Variants in RAVER1 observed in about 807,000 individuals in gnomAD.
RAVER1 encodes ribonucleoprotein PTB-binding 1.
Under a neutral mutation model 68.4 loss-of-function variants are expected in RAVER1, and 36 were observed. That is an observed-to-expected ratio of 0.53 (90% CI 0.40 to 0.70). RAVER1 has a LOEUF of 0.70. Ranked by LOEUF, RAVER1 falls within the 30% of genes least tolerant of loss-of-function variation. RAVER1 has a pLI of 0.00. For missense variants in RAVER1, 933 were observed against 1,019.8 expected, an observed-to-expected ratio of 0.91 and a Z score of 1.16; for synonymous variants, 469 against 472.7, an observed-to-expected ratio of 0.99 and a Z score of 0.10.
In RAVER1 at chr19:10,316,620, GGGTAGGAGGGGGT is replaced by G. The variant is rs2040390116; in HGVS notation, c.*821_*833del. ...AAAGCCCATCTCTGCACGGAGGCCC[GGGTAGGAGGGGGT>G]GGTGGGGCCGGTTCGCCAAGATGAA... On this transcript the variant is annotated 3_prime_UTR_variant, in exon 13 of 13. Transcript: ENST00000617231. 1 of 968,810 alleles carries G rather than the reference GGGTAGGAGGGGGT, an allele frequency of 1.0e-6. No individual in the cohort carries two copies. The highest frequency in any genetic ancestry group is 4.8e-5 in the South Asian group (1 of 20,998). The allele number at this position is 968,810 out of a possible 1,614,324, so 60.0% of individuals were successfully genotyped here. A position where few individuals can be genotyped will look rare whatever the true frequency, so the allele number is the denominator to read the frequency against.
In RAVER1 at chr19:10,321,243, C is replaced by T. The variant is rs1255572312; in HGVS notation, c.1278G>A (p.Pro426=). Residue 426 remains proline, a synonymous_variant, in exon 8 of 13, where the codon CCG becomes CCA. Coordinates refer to ENST00000617231, the MANE Select transcript of RAVER1 (RefSeq NM_133452.3). ...GELPAGGGLP[P]ELPPRRGKPP... is the part of the protein sequence containing the mutation. ...GCTTCCCTCGCCGGGGCGGCAGCTCCGGGGGCAGGCCCCCTCCTAGGGAGG... is the reference window on the plus strand; with the variant it reads ...GCTTCCCTCGCCGGGGCGGCAGCTCTGGGGGCAGGCCCCCTCCTAGGGAGG... 7.9e-6 allele frequency: 10 copies of T among 1,273,728 alleles called. No individual in the cohort carries two copies. The highest frequency in any genetic ancestry group is 7.7e-5 in the African/African-American group (5 of 64,530). The allele number at this position is 1,273,728 out of a possible 1,614,324, so 78.9% of individuals were successfully genotyped here.
chr19:10,325,806 AT>A (rs1045906735), intron 3 of RAVER1, among the ~76,000 whole-genome samples: 32 of 152,040 alleles, frequency 2.1e-4, no homozygotes, highest in African/African-American at 7.0e-4. Flanking sequence ...AAAAAAAAAA[AT>A]TAAGTTTAGT....
In RAVER1 at chr19:10,328,677, C is replaced by G. The variant is rs540031132; in HGVS notation, c.721G>C (p.Ala241Pro). The G allele has an allele frequency of 1.9e-6, 3 of 1,585,334 alleles. No homozygotes were observed. In the East Asian group the frequency reaches 6.9e-5, roughly 37 times the overall value. The change falls in exon 3 of 13, where the codon GCG (alanine) becomes CCG (proline). Residue 241 changes from alanine (A) to proline (P), a missense_variant. Around this residue, in one of 3 missense-constraint regions of RAVER1, gnomAD observed 699 missense variants for 731.1 expected, o/e 0.96. Transcript: ENST00000617231. This position sits in a 1 kb window ranked among gnomAD's most constrained non-coding sequence, Gnocchi z 4.4. ...GFNDVDALCR[A>P]LSAVHSPTFC... ...GTGGGGCTGTGGACAGCTGACAGCG[C>G]CCGGCACAGAGCGTCCACATCGTTG...
rs770247558 is a variant in RAVER1, at chr19:10,330,496, G to C, written c.250C>G (p.Leu84Val). The change falls in exon 2 of 13, where the codon CTC (leucine) becomes GTC (valine). Residue 84 changes from leucine (L) to valine (V), a missense_variant. Transcript: ENST00000617231. ...TATTTGTCCACAAAACAGTATTTGA[G>C]CTCATAGTCACTGAGCAGGTCATGT... The part of the protein sequence containing the change: ...EVHDLLSDYE[L>V]KYCFVDKYKG... 1 of 1,540,802 alleles carries C rather than the reference G, an allele frequency of 6.5e-7. No individual in the cohort carries two copies. Among genetic ancestry groups the C allele is most frequent in the South Asian group, 1.2e-5 (1 of 85,016 alleles).
In RAVER1 at chr19:10,332,769, A is replaced by G. The variant is rs980756297; in HGVS notation, c.219+520T>C. Among the ~76,000 whole-genome samples, 4 of 152,072 alleles carry G rather than the reference A, an allele frequency of 2.6e-5. No homozygotes were observed. The East Asian group carries it at 7.7e-4, about 29-fold the overall frequency. The stretch of plus-strand genomic sequence containing the variant: ...GTGGCAGAAGACCCCATTTTCCCAA[A>G]TTAATCCTGAGGTTTTGGGGGCTGA... On this transcript the variant is annotated intron_variant, in intron 1 of 12. Transcript: ENST00000617231.
Position 10,321,226 on chromosome 19 carries a change from C to T in RAVER1, c.1295G>A (p.Arg432Gln), listed in dbSNP as rs756204308. The change falls in exon 8 of 13, where the codon CGA becomes CAA. Residue 432 changes from arginine (R) to glutamine (Q), a missense_variant. Arg to Gln is a conservative substitution (Grantham distance 43). Transcript: ENST00000617231. ...GGLPPELPPR[R>Q]GKPPPLLPSV... ...TGGCAGCAGGGGTGGTGGCTTCCCT[C>T]GCCGGGGCGGCAGCTCCGGGGGCAG... 22 of 1,269,626 alleles carry T rather than the reference C, an allele frequency of 1.7e-5. No individual in the cohort carries two copies. Among genetic ancestry groups the T allele is most frequent in the Non-Finnish European group, 2.1e-5 (21 of 1,004,162 alleles). The allele number at this position is 1,269,626 out of a possible 1,614,324, so 78.6% of individuals were successfully genotyped here. A position where few individuals can be genotyped will look rare whatever the true frequency, so the allele number is the denominator to read the frequency against.
intron 3 of RAVER1, among the ~76,000 whole-genome samples, chr19:10,325,422 G>A (rs924624428): frequency 6.6e-6 from 1 of 151,988 alleles, no homozygotes; most frequent in East Asian, 1.9e-4. Context: ...ATGGAGATAG[G>A]GTTTCACCAT....
In RAVER1 at chr19:10,328,007, AG is replaced by A. The variant is rs1401752616; in HGVS notation, c.756+634del. ...TTATGGAGGAGGGAAACTGCAGATC[AG>A]AGAGCCAGTGACTGGCCCGAGCTCG... is the stretch of plus-strand genomic sequence containing the variant. On this transcript the variant is annotated intron_variant, in intron 3 of 12. Coordinates refer to ENST00000617231, the MANE Select transcript of RAVER1 (RefSeq NM_133452.3). This position sits in a 1 kb window ranked among gnomAD's most constrained non-coding sequence, Gnocchi z 4.4. Among the ~76,000 whole-genome samples the A allele has an allele frequency of 1.1e-5, 1 of 90,118 alleles. No individual in the cohort carries two copies. Among genetic ancestry groups the A allele is most frequent in the Admixed American group, 9.5e-5 (1 of 10,546 alleles). The allele number at this position is 90,118 out of a possible 152,430, so 59.1% of individuals were successfully genotyped here.
chr19:10,333,187 C>A lies in RAVER1; in HGVS notation c.219+102G>T. 3 of 1,231,694 alleles carry A rather than the reference C, an allele frequency of 2.4e-6. No homozygotes were observed. Among genetic ancestry groups the A allele is most frequent in the Non-Finnish European group, 3.3e-6 (3 of 898,182 alleles). The allele number at this position is 1,231,694 out of a possible 1,614,324, so 76.3% of individuals were successfully genotyped here. On this transcript the variant is annotated intron_variant, in intron 1 of 12. Coordinates refer to ENST00000617231, the MANE Select transcript of RAVER1 (RefSeq NM_133452.3). The surrounding 1 kb of genome is among the most constrained non-coding windows in gnomAD (Gnocchi z 4.2). The stretch of plus-strand genomic sequence containing the variant: ...TGGATCCGGTGCTTGGGCGCCCCCG[C>A]CAACGACCCCCGCGCACCTCAGCGT...
chr19:10,328,719 G>T lies in RAVER1; in HGVS notation c.679C>A (p.Arg227Ser). ...LLHSRCLCVD[R>S]LPPGFNDVDA... is the part of the protein sequence containing the mutation. ...ACATCGTTGAAGCCAGGTGGCAGGC[G>T]GTCCACACAGAGGCAGCGGGAGTGG... Residue 227 changes from arginine (R) to serine (S), a missense_variant, in exon 3 of 13, where the codon CGC becomes AGC. By Grantham distance (110) the Arg-to-Ser change is moderately radical (BLOSUM62 -1). This residue lies in a region of RAVER1 where 699 missense variants were observed against 731.1 expected (regional missense o/e 0.96). Transcript: ENST00000617231. This position sits in a 1 kb window ranked among gnomAD's most constrained non-coding sequence, Gnocchi z 4.4. 6.2e-7 allele frequency: 1 copy of T among 1,610,850 alleles called. No individual in the cohort carries two copies. The highest frequency in any genetic ancestry group is 2.2e-5 in the East Asian group (1 of 44,770).
chr19:10,323,663 G>A lies in RAVER1; in HGVS notation c.757-97C>T. On this transcript the variant is annotated intron_variant, in intron 3 of 12. Transcript: ENST00000617231. This position sits in a 1 kb window ranked among gnomAD's most constrained non-coding sequence, Gnocchi z 6.2. ...GTAACCAGACTCAGCTGCCCCATAA[G>A]GGTGAACTCCACGCCAGGCCTCCAC... 7.6e-7 allele frequency: 1 copy of A among 1,310,758 alleles called. No homozygotes were observed. The highest frequency in any genetic ancestry group is 2.4e-5 in the Admixed American group (1 of 41,070). 81.2% of individuals were successfully genotyped at this position (1,310,758 alleles called of 1,614,324 possible). A position where few individuals can be genotyped will look rare whatever the true frequency, so the allele number is the denominator to read the frequency against.
At chr19:10,332,039 G>C (rs1568314409) in intron 1 of RAVER1, among the ~76,000 whole-genome samples, 1 of 151,982 alleles carries the variant, frequency 6.6e-6, no homozygotes, top group Non-Finnish European at 1.5e-5. Flanking sequence ...CTGTCACCTA[G>C]GCTAGAGTGT....
chr19:10,317,495 G>A lies in RAVER1; in HGVS notation c.2179C>T (p.His727Tyr), dbSNP rs768168761. Reference protein sequence around the residue: ...VGQHSQGLGGHYADSYLKRKR... With the variant: ...VGQHSQGLGGYYADSYLKRKR... Reference sequence around the variant, plus strand: ...CGCTTCAGGTAGGAGTCCGCGTAGTGGCCGCCGAGGCCCTGGGAGTGCTGG... The same window carrying A: ...CGCTTCAGGTAGGAGTCCGCGTAGTAGCCGCCGAGGCCCTGGGAGTGCTGG... Residue 727 changes from histidine (H) to tyrosine (Y), a missense_variant, in exon 13 of 13, where the codon CAC becomes TAC. Coordinates refer to ENST00000617231, the MANE Select transcript of RAVER1 (RefSeq NM_133452.3). This position sits in a 1 kb window ranked among gnomAD's most constrained non-coding sequence, Gnocchi z 4.3. 12 of 1,613,792 alleles carry A rather than the reference G, an allele frequency of 7.4e-6. No individual in the cohort carries two copies. Among genetic ancestry groups the A allele is most frequent in the Non-Finnish European group, 8.5e-6 (10 of 1,179,678 alleles).
Position 10,320,961 on chromosome 19 carries a change from GA to G in RAVER1, c.1474-11del. The G allele has an allele frequency of 6.7e-7, 1 of 1,491,568 alleles. No individual in the cohort carries two copies. Among genetic ancestry groups the G allele is most frequent in the Non-Finnish European group, 8.9e-7 (1 of 1,128,218 alleles). 92.4% of individuals were successfully genotyped at this position (1,491,568 alleles called of 1,614,324 possible). A position where few individuals can be genotyped will look rare whatever the true frequency, so the allele number is the denominator to read the frequency against. ...CCCCCAGCAGTGAGACCTGTGGCGG[GA>G]AGGCAGGATTCGAGAGGGCCCCCGG... On this transcript the variant is annotated splice_polypyrimidine_tract_variant and intron_variant, in intron 8 of 12. Coordinates refer to ENST00000617231, the MANE Select transcript of RAVER1 (RefSeq NM_133452.3).
chr19:10,332,898 G>A (rs1172698073), intron 1 of RAVER1, among the ~76,000 whole-genome samples: 1 of 152,170 alleles, frequency 6.6e-6, no homozygotes, highest in Non-Finnish European at 1.5e-5. Context: ...TTCTGGATGT[G>A]AGGTCCCGCC....
intron 10 of RAVER1, 61 bp downstream of exon 10, chr19:10,319,105 G>A: frequency 4.0e-6 from 6 of 1,494,488 alleles, no homozygotes; most frequent in Non-Finnish European, 5.6e-6. Flanking sequence ...ACTAAGTCAT[G>A]GCACAGCCTG....
chr19:10,320,588 C>CTA (rs2040428627), intron 9 of RAVER1, 67 bp downstream of exon 9: 9 of 1,423,968 alleles, frequency 6.3e-6, no homozygotes, highest in South Asian at 1.3e-5. Flanking sequence ...ATAGTCAATC[C>CTA]TAGAGAAATA....
chr19:10,327,126 G>T (rs1307438173), intron 3 of RAVER1, among the ~76,000 whole-genome samples: 1 of 151,928 alleles, frequency 6.6e-6, no homozygotes, highest in Non-Finnish European at 1.5e-5. Flanking sequence ...GGCTAGTCTT[G>T]AACTCCTGGT....
intron 9 of RAVER1, 151 bp downstream of exon 9, chr19:10,320,504 T>TAAAA (rs773652670): frequency 1.8e-4 from 87 of 474,306 alleles, no homozygotes; most frequent in Admixed American, 2.5e-4. Context: ...ACCCTGTCTC[T>TAAAA]AAAAAAAAAA....
Sources: gnomAD v4.1 joint callset for allele counts (sites outside exome capture counted in the v4.1 genomes callset) on GRCh38, gnomAD v4.1.1 for gene constraint, gnomAD v4.1.1 regional missense constraint, Gnocchi (gnomAD v3.1) non-coding constraint, MANE v1.5 for transcripts, NCBI Gene and HGNC (gene_info 2026-07-23, HGNC 2026-07-21) for gene names.